The following ARB2A variants were observed in gnomAD, a reference collection of about 807,000 sequenced individuals.
The protein encoded by ARB2A is cotranscriptional regulator ARB2A.
At chr5:93,694,706 A>C in the ARB2A span, among the ~76,000 whole-genome samples, 1 of 152,234 alleles carries the variant, frequency 6.6e-6, no homozygotes, top group Non-Finnish European at 1.5e-5. Flanking sequence ...TTCATATGGA[A>C]CCAAAAAAGA....
At chr5:93,634,939 T>G in the ARB2A span, among the ~76,000 whole-genome samples, 1 of 152,140 alleles carries the variant, frequency 6.6e-6, no homozygotes, top group Non-Finnish European at 1.5e-5. Flanking sequence ...CACGCCCGGC[T>G]AATTTTGTAT....
the ARB2A span, among the ~76,000 whole-genome samples, chr5:93,923,680 G>C: frequency 6.6e-6 from 1 of 152,058 alleles, no homozygotes; most frequent in Non-Finnish European, 1.5e-5. Flanking sequence ...CGTGGTGTTG[G>C]ATACAAGTGG....
chr5:93,985,541 A>T, the ARB2A span, among the ~76,000 whole-genome samples: 2 of 152,084 alleles, frequency 1.3e-5, no homozygotes, highest in African/African-American at 4.8e-5. Flanking sequence ...CTCCTGCCTC[A>T]GCCTGCCGAG....
chr5:93,691,718 A>G, the ARB2A span, among the ~76,000 whole-genome samples: 11 of 152,104 alleles, frequency 7.2e-5, no homozygotes, highest in African/African-American at 2.2e-4. Context: ...CCCAAGACAC[A>G]TAATTGTCAG....
the ARB2A span, among the ~76,000 whole-genome samples, chr5:93,676,863 C>T: frequency 6.6e-6 from 1 of 152,174 alleles, no homozygotes; most frequent in African/African-American, 2.4e-5. Flanking sequence ...ATTTTTGGTG[C>T]TCAATGACTG....
At chr5:93,957,673 C>T in the ARB2A span, among the ~76,000 whole-genome samples, 743 of 152,036 alleles carry the variant, frequency 4.9e-3, 2 homozygotes, top group Non-Finnish European at 7.6e-3. Flanking sequence ...AGAAATTCTA[C>T]TTTTAGCATT....
the ARB2A span, among the ~76,000 whole-genome samples, chr5:94,081,593 A>G: frequency 6.6e-6 from 1 of 152,186 alleles, no homozygotes; most frequent in Non-Finnish European, 1.5e-5. Flanking sequence ...CCAATTACCA[A>G]AAAAAACCAC....
At chr5:93,991,558 G>T in the ARB2A span, among the ~76,000 whole-genome samples, 2 of 151,076 alleles carry the variant, frequency 1.3e-5, no homozygotes, top group Admixed American at 1.3e-4. Context: ...GAAAATAAAA[G>T]CATAATGAGA....
At chr5:93,689,011 C>T in the ARB2A span, among the ~76,000 whole-genome samples, 1 of 152,174 alleles carries the variant, frequency 6.6e-6, no homozygotes, top group African/African-American at 2.4e-5. Context: ...ATTATATTCC[C>T]TTTCTTAGAA....
the ARB2A span, among the ~76,000 whole-genome samples, chr5:93,951,117 T>C: frequency 1.3e-5 from 2 of 152,286 alleles, no homozygotes; most frequent in Admixed American, 6.5e-5. Flanking sequence ...TGCTTGACAC[T>C]TGCATGTCTC....
the ARB2A span, among the ~76,000 whole-genome samples, chr5:93,706,384 G>T: frequency 6.6e-6 from 1 of 152,180 alleles, no homozygotes; most frequent in Non-Finnish European, 1.5e-5. Flanking sequence ...GGTTGCCAGG[G>T]ACTGAAAGGA....
At chr5:93,795,586 C>T in the ARB2A span, among the ~76,000 whole-genome samples, 80 of 152,268 alleles carry the variant, frequency 5.3e-4, no homozygotes, top group Non-Finnish European at 1.0e-3. Flanking sequence ...AGTCCTGCCC[C>T]CATCTGCCAT....
chr5:94,059,693 A>G, the ARB2A span, among the ~76,000 whole-genome samples: 1 of 151,876 alleles, frequency 6.6e-6, no homozygotes, highest in East Asian at 1.9e-4. Flanking sequence ...AATAATGACA[A>G]AAGACTTTTC....
At chr5:93,797,964 G>A in the ARB2A span, among the ~76,000 whole-genome samples, 1 of 152,034 alleles carries the variant, frequency 6.6e-6, no homozygotes, top group African/African-American at 2.4e-5. Context: ...TCTGAAGGGA[G>A]GAGAGTGAAT....
the ARB2A span, among the ~76,000 whole-genome samples, chr5:93,976,276 TAA>T: frequency 6.6e-6 from 1 of 152,160 alleles, no homozygotes; most frequent in Middle Eastern, 3.4e-3. Flanking sequence ...CTCAAAATAA[TAA>T]GAGTCATCTA....
At chr5:93,673,368 C>G in the ARB2A span, among the ~76,000 whole-genome samples, 1 of 151,814 alleles carries the variant, frequency 6.6e-6, no homozygotes, top group Admixed American at 6.6e-5. Flanking sequence ...TGTGTTCTTT[C>G]TTTCTCTCTT....
At chr5:94,013,466 G>A in the ARB2A span, among the ~76,000 whole-genome samples, 5 of 152,184 alleles carry the variant, frequency 3.3e-5, no homozygotes, top group South Asian at 2.1e-4. Flanking sequence ...GTGAGACATC[G>A]TGCCCGGCCA....
At chr5:93,763,387 G>A in the ARB2A span, among the ~76,000 whole-genome samples, 1 of 151,988 alleles carries the variant, frequency 6.6e-6, no homozygotes, top group Admixed American at 6.6e-5. Flanking sequence ...AAAAGGCAGG[G>A]GTTGCAATCC....
At chr5:93,967,015 TA>T in the ARB2A span, among the ~76,000 whole-genome samples, 6,422 of 140,132 alleles carry the variant, frequency 0.046, 181 homozygotes, top group South Asian at 0.075. Context: ...GTTCAAGATT[TA>T]AAAAAAAAAA....
Sources: allele counts gnomAD v4.1 joint callset (sites outside exome capture counted in the v4.1 genomes callset), GRCh38; gene constraint gnomAD v4.1.1; transcripts MANE v1.5; gene names NCBI Gene and HGNC (gene_info 2026-07-23, HGNC 2026-07-21).